RARB: variants seen among roughly 807,000 people sequenced by gnomAD.
RARB encodes the protein retinoic acid receptor beta, also known as HBV-activated protein.
A neutral mutation model predicts 51.9 loss-of-function variants in RARB; 17 were observed. The ratio of observed to expected loss-of-function variants is 0.33; its 90% CI spans 0.22 to 0.49. The LOEUF (loss-of-function observed/expected upper bound fraction) is 0.49, where lower values mean the gene tolerates loss of function less well. RARB is among the 20% of genes least tolerant of loss of function. The pLI is 0.99. For missense variants in RARB, 369 were observed against 550.8 expected (o/e 0.67, Z 3.30); for synonymous variants, 215 against 195.4 (o/e 1.10, Z -0.84).
At chr3:25,044,118 T>A (rs1465815197) in intron 2 of RARB, among the ~76,000 whole-genome samples, 1 of 152,186 alleles carries the variant, frequency 6.6e-6, no homozygotes, top group African/African-American at 2.4e-5. Flanking sequence ...CAGGGAAGAA[T>A]TTTAAACAGC....
At chr3:24,968,055 G>T (rs1696315993) in intron 2 of RARB, among the ~76,000 whole-genome samples, 1 of 152,042 alleles carries the variant, frequency 6.6e-6, no homozygotes, top group Admixed American at 6.6e-5. Context: ...TGTTTGGTTT[G>T]GTTGTTTTCC....
intron 5 of RARB, among the ~76,000 whole-genome samples, chr3:25,231,552 A>G (rs561868738): frequency 3.9e-5 from 6 of 152,178 alleles, no homozygotes; most frequent in Non-Finnish European, 8.8e-5. Context: ...ATGACTATCA[A>G]CTTGTGAGAG....
chr3:24,851,960 G>A (rs1478992950), intron 1 of RARB, among the ~76,000 whole-genome samples: 20 of 152,094 alleles, frequency 1.3e-4, no homozygotes, highest in South Asian at 4.2e-4. Flanking sequence ...AGTAGTAAGC[G>A]GAAGCCCATG....
At chr3:24,843,523 G>A (rs895677354) in intron 1 of RARB, among the ~76,000 whole-genome samples, 1 of 152,110 alleles carries the variant, frequency 6.6e-6, no homozygotes. Context: ...CCATTTTAAA[G>A]TGAGTTCCAC....
At position 25,587,139 on chromosome 3, in the gene RARB, C is replaced by A. The variant is rs1701423359; in HGVS notation, c.787-6364C>A. On this transcript the variant is annotated intron_variant, in intron 5 of 7. Transcript: ENST00000330688. ...GAATAAGTAGAATAGTAGCTCCTCCCCATTCAGGTTGCTGGAATAAAGAAT... is the reference window on the plus strand; with the variant it reads ...GAATAAGTAGAATAGTAGCTCCTCCACATTCAGGTTGCTGGAATAAAGAAT... Among the ~76,000 whole-genome samples the A allele has an allele frequency of 2.0e-5, 3 of 151,952 alleles. No homozygotes were observed. In the South Asian group the frequency reaches 6.2e-4, roughly 31 times the overall value.
chr3:25,040,094 G>A (rs1698082336), intron 2 of RARB, among the ~76,000 whole-genome samples: 1 of 152,154 alleles, frequency 6.6e-6, no homozygotes, highest in South Asian at 2.1e-4. Context: ...TGGGTTGCAT[G>A]TACATTTTTA....
intron 3 of RARB, among the ~76,000 whole-genome samples, chr3:25,516,925 C>T (rs1490479389): frequency 6.6e-6 from 1 of 152,178 alleles, no homozygotes; most frequent in African/African-American, 2.4e-5. Context: ...CTGTGTCCAG[C>T]TTCCTTGTCC....
chr3:25,313,316 G>A (rs1310481608), intron 5 of RARB, among the ~76,000 whole-genome samples: 3 of 151,980 alleles, frequency 2.0e-5, no homozygotes, highest in Non-Finnish European at 4.4e-5. Flanking sequence ...TGTGGTTCAG[G>A]TTGCAAGATC....
chr3:25,346,169 C>T (rs77167649), intron 5 of RARB, among the ~76,000 whole-genome samples: 64 of 152,260 alleles, frequency 4.2e-4, no homozygotes, highest in African/African-American at 1.4e-3. Flanking sequence ...ATACCTTTTC[C>T]GTTTATTTTT....
intron 5 of RARB, among the ~76,000 whole-genome samples, chr3:25,370,469 A>G (rs1364215257): frequency 1.3e-5 from 2 of 152,210 alleles, no homozygotes; most frequent in South Asian, 2.1e-4. Flanking sequence ...AAGGAGTGGG[A>G]GTTTTCTGGC....
intron 1 of RARB, among the ~76,000 whole-genome samples, chr3:25,437,609 T>C (rs976066004): frequency 5.3e-5 from 8 of 152,286 alleles, no homozygotes; most frequent in Middle Eastern, 3.4e-3. Flanking sequence ...GAACCTAAGA[T>C]TGATAATGGA....
intron 4 of RARB, among the ~76,000 whole-genome samples, chr3:25,151,851 T>C (rs748272360): frequency 1.4e-4 from 22 of 152,356 alleles, no homozygotes; most frequent in Non-Finnish European, 2.8e-4. Context: ...GAGAAAGTTT[T>C]TGTGGCTTTT....
At chr3:25,342,047 G>T (rs569881640) in intron 5 of RARB, among the ~76,000 whole-genome samples, 14 of 152,182 alleles carry the variant, frequency 9.2e-5, no homozygotes, top group Non-Finnish European at 1.6e-4. Flanking sequence ...CTATTACAAT[G>T]CTTGACACAT....
chr3:25,220,793 A>C (rs1701930975), intron 5 of RARB, among the ~76,000 whole-genome samples: 1 of 152,186 alleles, frequency 6.6e-6, no homozygotes, highest in Non-Finnish European at 1.5e-5. Flanking sequence ...TCTTTATAGC[A>C]GTGTGAAAAT....
At chr3:25,431,261 T>C (rs1030045307) in intron 1 of RARB, among the ~76,000 whole-genome samples, 1 of 152,162 alleles carries the variant, frequency 6.6e-6, no homozygotes, top group Non-Finnish European at 1.5e-5. Context: ...TTTGAGTTTT[T>C]TTTATGGTGT....
intron 5 of RARB, among the ~76,000 whole-genome samples, chr3:25,393,536 G>A (rs12489364): frequency 0.14 from 21,834 of 151,888 alleles, 2,107 homozygotes; most frequent in Admixed American, 0.29. Context: ...TTTGTTGGCA[G>A]TTTTTTAAAT....
chr3:25,478,664 G>A (rs189074460), intron 2 of RARB, among the ~76,000 whole-genome samples: 1 of 152,306 alleles, frequency 6.6e-6, no homozygotes, highest in Non-Finnish European at 1.5e-5. Flanking sequence ...GTATCGACAT[G>A]ACGTCTATGG....
intron 5 of RARB, among the ~76,000 whole-genome samples, chr3:25,222,187 A>G (rs2125385156): frequency 6.6e-6 from 1 of 152,310 alleles, no homozygotes; most frequent in Middle Eastern, 3.4e-3. Flanking sequence ...TGCAGAAAGC[A>G]TCGAGGGGCA....
intron 3 of RARB, among the ~76,000 whole-genome samples, chr3:25,071,266 A>T (rs772123553): frequency 2.0e-4 from 30 of 152,204 alleles, no homozygotes; most frequent in Admixed American, 3.3e-4. Flanking sequence ...CCAAAACCCA[A>T]ATCATACCAG....
Sources: allele counts gnomAD v4.1 joint callset (sites outside exome capture counted in the v4.1 genomes callset), GRCh38; gene constraint gnomAD v4.1.1; transcripts MANE v1.5; gene names NCBI Gene and HGNC (gene_info 2026-07-23, HGNC 2026-07-21).